Variants in ACTR3 observed in about 807,000 individuals in gnomAD.
ACTR3 encodes the protein actin related protein 3.
ACTR3 carries 12 observed loss-of-function variants against 56.8 expected under a neutral mutation model. That is an observed-to-expected ratio of 0.21 (90% CI 0.14 to 0.34). The LOEUF (loss-of-function observed/expected upper bound fraction) is 0.34, where lower values mean the gene tolerates loss of function less well. Among genes scored for constraint, ACTR3 ranks in the 10% least tolerant of loss-of-function variants. ACTR3 has a pLI of 1.00. For synonymous variants in ACTR3, 162 were observed against 167.4 expected (o/e 0.97, Z 0.25); for missense variants, 282 against 512.5 (o/e 0.55, Z 4.34).
At chr2:113,947,717 G>A (rs1680046352) in intron 8 of ACTR3, among the ~76,000 whole-genome samples, 1 of 152,116 alleles carries the variant, frequency 6.6e-6, no homozygotes, top group Non-Finnish European at 1.5e-5. Flanking sequence ...CTTAGGAAAG[G>A]TATAGTTGGC....
chr2:113,937,473 T>G lies in ACTR3; in HGVS notation c.541-2486T>G, dbSNP rs571587912. 9.2e-5 allele frequency among the ~76,000 whole-genome samples: 14 copies of G among 152,354 alleles called. No individual in the cohort carries two copies. In the South Asian group the frequency reaches 2.9e-3, roughly 32 times the overall value. On this transcript the variant is annotated intron_variant, in intron 6 of 11. Transcript: ENST00000263238. Reference sequence around the variant, plus strand: ...TCTATTCCTTTGTGAAGGTCCAGATTTCCACCTAGTATCATTTTCCTTCTG... The same window carrying G: ...TCTATTCCTTTGTGAAGGTCCAGATGTCCACCTAGTATCATTTTCCTTCTG...
At chr2:113,955,467 C>T in intron 10 of ACTR3, 156 bp from the exon 11 acceptor site, 1 of 565,350 alleles carries the variant, frequency 1.8e-6, no homozygotes, top group Non-Finnish European at 3.1e-6. Context: ...CAACCCCTTT[C>T]CTCTGAGACA....
At chr2:113,935,570 T>C (rs752484686) in intron 6 of ACTR3, among the ~76,000 whole-genome samples, 1 of 152,244 alleles carries the variant, frequency 6.6e-6, no homozygotes, top group Non-Finnish European at 1.5e-5. Context: ...AATATTTCAT[T>C]ATGTGGATAT....
At chr2:113,951,364 A>G (rs1680117883) in intron 8 of ACTR3, 115 bp from the exon 9 acceptor site, 2 of 632,792 alleles carry the variant, frequency 3.2e-6, no homozygotes, top group East Asian at 2.8e-5. Context: ...AGAGACCAGT[A>G]TTAGTGGTTT....
At chr2:113,932,071 A>C (rs903514120) in intron 5 of ACTR3, among the ~76,000 whole-genome samples, 4 of 152,202 alleles carry the variant, frequency 2.6e-5, no homozygotes, top group African/African-American at 9.6e-5. Context: ...GATACCAGGC[A>C]GCTGAGGTCT....
rs758984269 is a variant in ACTR3 at position 113,913,123 on chromosome 2, T to C, written c.45-49T>C. On this transcript the variant is annotated intron_variant, in intron 1 of 11. Transcript: ENST00000263238. ...AATGAAATTCTAAGAAAGAAATGTA[T>C]AATTGCTAAAATATTAGTGAAATCT... 4.8e-6 allele frequency: 6 copies of C among 1,255,792 alleles called. No individual in the cohort carries two copies. The Admixed American group carries it at 1.3e-4, about 27-fold the overall frequency. The allele number at this position is 1,255,792 out of a possible 1,614,324, so 77.8% of individuals were successfully genotyped here.
intron 1 of ACTR3, chr2:113,904,922 A>T (rs1679166324): frequency 6.6e-6 from 1 of 152,114 alleles, no homozygotes; most frequent in African/African-American, 2.4e-5. Context: ...TGTCATTAAC[A>T]TCTAGGTACC....
At position 113,939,893 on chromosome 2, in the gene ACTR3, A is replaced by G. The variant is rs530796241; in HGVS notation, c.541-66A>G. The G allele has an allele frequency of 4.2e-5, 61 of 1,457,730 alleles. No individual in the cohort carries two copies. The African/African-American group carries it at 7.8e-4, about 19-fold the overall frequency. 90.3% of individuals were successfully genotyped at this position (1,457,730 alleles called of 1,614,324 possible). ...AATAAATTGGTCTTTATTGGTTCAT[A>G]TTTTTGGGTTATATTAATTTTCAAA... On this transcript the variant is annotated intron_variant, in intron 6 of 11. Transcript: ENST00000263238.
At chr2:113,917,970 T>G (rs1345126058) in intron 3 of ACTR3, among the ~76,000 whole-genome samples, 1 of 152,056 alleles carries the variant, frequency 6.6e-6, no homozygotes, top group African/African-American at 2.4e-5. Flanking sequence ...AAAATAGGAG[T>G]TAGCTGCTGA....
At chr2:113,935,878 A>G (rs1426697769) in intron 6 of ACTR3, among the ~76,000 whole-genome samples, 3 of 152,310 alleles carry the variant, frequency 2.0e-5, no homozygotes, top group East Asian at 3.9e-4. Flanking sequence ...GCCTTTCTTC[A>G]GTCTTTTCTT....
At chr2:113,944,841 C>T (rs981001655) in intron 8 of ACTR3, among the ~76,000 whole-genome samples, 13 of 152,002 alleles carry the variant, frequency 8.6e-5, no homozygotes, top group Non-Finnish European at 1.3e-4. Flanking sequence ...CTAGTGAGTA[C>T]ATATTAATAG....
At chr2:113,951,942 G>T in intron 10 of ACTR3, 97 bp downstream of exon 10, 1 of 1,479,684 alleles carries the variant, frequency 6.8e-7, no homozygotes, top group South Asian at 1.2e-5. Context: ...AGAAAAATAA[G>T]AGGAACCTGT....
intron 10 of ACTR3, chr2:113,953,969 A>G (rs929965001): frequency 5.9e-5 from 9 of 152,140 alleles, no homozygotes; most frequent in Non-Finnish European, 1.0e-4. Flanking sequence ...TTACATACTC[A>G]ATGTTTTTTG....
chr2:113,951,991 T>C, intron 10 of ACTR3, 146 bp downstream of exon 10: 1 of 1,030,260 alleles, frequency 9.7e-7, no homozygotes, highest in East Asian at 2.6e-5. Flanking sequence ...TATAGATTTA[T>C]GTCTGTGATA....
chr2:113,951,640 T>C, intron 9 of ACTR3, 69 bp downstream of exon 9: 1 of 1,506,772 alleles, frequency 6.6e-7, no homozygotes, highest in Non-Finnish European at 9.1e-7. Context: ...ATAAAAAGGA[T>C]ATAATAGCAT....
chr2:113,891,033 G>A (rs1278728697), intron 1 of ACTR3, among the ~76,000 whole-genome samples: 1 of 152,172 alleles, frequency 6.6e-6, no homozygotes, highest in African/African-American at 2.4e-5. Flanking sequence ...CAAGCGCGCT[G>A]CAACTTCCTT....
chr2:113,950,636 G>T (rs1267741645), intron 8 of ACTR3, among the ~76,000 whole-genome samples: 1 of 152,124 alleles, frequency 6.6e-6, no homozygotes, highest in Non-Finnish European at 1.5e-5. Flanking sequence ...TGGACTTAAC[G>T]GGTTTTTCCT....
rs1680328628 is a variant in ACTR3 at position 113,961,665 on chromosome 2, A to G, written c.*4210A>G. The G allele has an allele frequency of 1.3e-5, 2 of 151,974 alleles. No individual in the cohort carries two copies. Among genetic ancestry groups the G allele is most frequent in the Admixed American group, 1.3e-4 (2 of 15,228 alleles). 9.4% of individuals were successfully genotyped at this position (151,974 alleles called of 1,614,324 possible). On this transcript the variant is annotated 3_prime_UTR_variant, in exon 12 of 12. Coordinates refer to ENST00000263238, the MANE Select transcript of ACTR3 (RefSeq NM_005721.5). ...ATTGATTGACTGTCTACTGTGGTTC[A>G]AGTACTGTGCATAAAGATGAATAAA...
chr2:113,911,180 A>G (rs530094375), intron 1 of ACTR3, among the ~76,000 whole-genome samples: 1 of 152,114 alleles, frequency 6.6e-6, no homozygotes, highest in Non-Finnish European at 1.5e-5. Context: ...AGAAATTGTC[A>G]GCTGTTTTTA....
Sources: allele counts gnomAD v4.1 joint callset (sites outside exome capture counted in the v4.1 genomes callset), GRCh38; gene constraint gnomAD v4.1.1; transcripts MANE v1.5; gene names NCBI Gene and HGNC (gene_info 2026-07-23, HGNC 2026-07-21).